The following ARHGEF3 variants were observed in gnomAD, a reference collection of about 807,000 sequenced individuals.
ARHGEF3 encodes Rho guanine nucleotide exchange factor 3.
ARHGEF3 carries 28 observed loss-of-function variants against 63.2 expected under a neutral mutation model. The ratio of observed to expected loss-of-function variants is 0.44; its 90% confidence interval spans 0.33 to 0.61. ARHGEF3 has a LOEUF of 0.61. ARHGEF3 is among the 20% of genes least tolerant of loss of function. The pLI, the probability that ARHGEF3 is intolerant of heterozygous loss-of-function variation, is 0.03. For missense variants in ARHGEF3, 533 were observed against 659.3 expected, an observed-to-expected ratio of 0.81 and a Z score of 2.10; for synonymous variants, 266 against 254.2, an observed-to-expected ratio of 1.05 and a Z score of -0.44.
intron 2 of ARHGEF3, among the ~76,000 whole-genome samples, chr3:56,757,417 T>C (rs1250291357): frequency 1.3e-5 from 2 of 151,562 alleles, no homozygotes; most frequent in South Asian, 2.1e-4. Context: ...GAGATTGCAG[T>C]GAGCCAAGAT....
chr3:56,806,890 CTT>C (rs200241279), upstream of ARHGEF3, among the ~76,000 whole-genome samples: 3 of 145,724 alleles, frequency 2.1e-5, no homozygotes, highest in African/African-American at 2.5e-5. Flanking sequence ...TAGCGAGTTC[CTT>C]TTTTTTTTTT....
chr3:56,909,032 G>A (rs556934564), intron 3 of ARHGEF3, among the ~76,000 whole-genome samples: 28 of 152,150 alleles, frequency 1.8e-4, no homozygotes, highest in South Asian at 1.7e-3. Flanking sequence ...CAGCTAATAC[G>A]AGTCAGACCC....
intron 3 of ARHGEF3, among the ~76,000 whole-genome samples, chr3:56,908,693 T>C (rs574272353): frequency 6.6e-6 from 1 of 152,320 alleles, no homozygotes; most frequent in South Asian, 2.1e-4. Flanking sequence ...GAAATGTTAA[T>C]TATAATCATA....
At chr3:57,029,293 G>A (rs1490178918) in intron 2 of ARHGEF3, among the ~76,000 whole-genome samples, 3 of 152,166 alleles carry the variant, frequency 2.0e-5, no homozygotes, top group Non-Finnish European at 2.9e-5. Context: ...AGCTGGTCGT[G>A]GTGGCACATG....
chr3:57,002,538 A>ATGTT lies in ARHGEF3; in HGVS notation c.62+32549_62+32550insAACA, dbSNP rs1702290988. Among the ~76,000 whole-genome samples the ATGTT allele has an allele frequency of 5.9e-5, 3 of 51,250 alleles. No homozygotes were observed. In the South Asian group the frequency reaches 2.1e-3, roughly 35 times the overall value. 33.6% of individuals were successfully genotyped at this position (51,250 alleles called of 152,430 possible). A position where few individuals can be genotyped will look rare whatever the true frequency, so the allele number is the denominator to read the frequency against. ...TGTTATATATGTATGTTATATATGT[A>ATGTT]ATATATGTTATGTTATATATATGTT... On this transcript the variant is annotated intron_variant, in intron 2 of 12. Coordinates refer to the ARHGEF3 transcript ENST00000338458.
At chr3:56,856,529 T>C (rs923855129) in intron 4 of ARHGEF3, among the ~76,000 whole-genome samples, 2 of 152,024 alleles carry the variant, frequency 1.3e-5, no homozygotes, top group African/African-American at 2.4e-5. Context: ...TTGATTCTCC[T>C]TGGGTCCCCC....
At chr3:56,874,032 A>G (rs1373159470) in intron 4 of ARHGEF3, among the ~76,000 whole-genome samples, 1 of 152,210 alleles carries the variant, frequency 6.6e-6, no homozygotes, top group Non-Finnish European at 1.5e-5. Context: ...AAGTGTGTCA[A>G]AGATAAAAGA....
chr3:56,908,264 C>T (rs138744866), intron 3 of ARHGEF3, among the ~76,000 whole-genome samples: 150 of 152,334 alleles, frequency 9.8e-4, no homozygotes, highest in African/African-American at 3.4e-3. Context: ...AAAGTGCCTT[C>T]GAAACTAAGA....
At chr3:57,025,794 C>G (rs1703448411) in intron 2 of ARHGEF3, among the ~76,000 whole-genome samples, 1 of 152,192 alleles carries the variant, frequency 6.6e-6, no homozygotes. Flanking sequence ...GCCTGTCCTA[C>G]TCACCAATGT....
At chr3:56,851,086 C>T (rs1056492749) in intron 4 of ARHGEF3, among the ~76,000 whole-genome samples, 2 of 152,108 alleles carry the variant, frequency 1.3e-5, no homozygotes, top group Non-Finnish European at 2.9e-5. Flanking sequence ...CACCTGAGGG[C>T]CCTGGTTGTG....
rs778326703 is a variant in ARHGEF3 at position 56,732,415 on chromosome 3, C to T, written c.1051G>A (p.Val351Ile). ...LKNNRGVKLH[V>I]FLFQEVLVIT... ...ACAAGCACTTCTTGGAACAGGAAAACATGCAGTTTCTAGAAGAAAAAAATC... is the reference window on the plus strand; with the variant it reads ...ACAAGCACTTCTTGGAACAGGAAAATATGCAGTTTCTAGAAGAAAAAAATC... Residue 351 changes from valine (V) to isoleucine (I), a missense_variant, in exon 9 of 10, where the codon GTT (valine) becomes ATT (isoleucine). Physicochemically the swap from Val to Ile is conservative, Grantham distance 29. Coordinates refer to ENST00000296315, the MANE Select transcript of ARHGEF3 (RefSeq NM_019555.3). 6.2e-7 allele frequency: 1 copy of T among 1,614,126 alleles called. No individual in the cohort carries two copies.
chr3:56,825,899 C>T (rs942626105), intron 4 of ARHGEF3, among the ~76,000 whole-genome samples: 2 of 152,160 alleles, frequency 1.3e-5, no homozygotes, highest in African/African-American at 2.4e-5. Flanking sequence ...ACTGAGCCTG[C>T]TATCAGTTTC....
chr3:56,792,995 T>G (rs1050325383), intron 1 of ARHGEF3, among the ~76,000 whole-genome samples: 6 of 136,540 alleles, frequency 4.4e-5, no homozygotes, highest in Admixed American at 7.1e-5. Context: ...GCATTGGGTT[T>G]TTTTTTTTTT....
intron 2 of ARHGEF3, 86 bp downstream of exon 2, chr3:56,773,623 C>A (rs2036123539): frequency 1.7e-6 from 2 of 1,196,060 alleles, no homozygotes; most frequent in Non-Finnish European, 2.3e-6. Flanking sequence ...CACTTTGAAA[C>A]CAGGGGAAAT....
chr3:56,770,827 A>G (rs925692611), intron 2 of ARHGEF3, among the ~76,000 whole-genome samples: 4 of 152,180 alleles, frequency 2.6e-5, no homozygotes, highest in African/African-American at 9.6e-5. Flanking sequence ...GCTATTTATC[A>G]CAATATTTGA....
At chr3:56,752,281 C>T (rs974980885) in intron 4 of ARHGEF3, among the ~76,000 whole-genome samples, 3 of 152,174 alleles carry the variant, frequency 2.0e-5, no homozygotes, top group Non-Finnish European at 4.4e-5. Flanking sequence ...TGGTCTTGAA[C>T]TCCTGACCTC....
At chr3:56,875,289 C>G (rs2108235983) in intron 4 of ARHGEF3, among the ~76,000 whole-genome samples, 1 of 152,244 alleles carries the variant, frequency 6.6e-6, no homozygotes, top group South Asian at 2.1e-4. Flanking sequence ...GACTCTATAG[C>G]AATTTGGTCC....
chr3:57,037,932 G>A (rs1560152424), intron 1 of ARHGEF3, among the ~76,000 whole-genome samples: 1 of 152,148 alleles, frequency 6.6e-6, no homozygotes, highest in Non-Finnish European at 1.5e-5. Context: ...CTGTGGCTAG[G>A]GGCAGGGACT....
intron 8 of ARHGEF3, among the ~76,000 whole-genome samples, chr3:56,733,296 A>AT (rs2033329083): frequency 7.8e-6 from 1 of 127,642 alleles, no homozygotes; most frequent in East Asian, 2.5e-4. Flanking sequence ...AAAAAAAAAA[A>AT]AAATACAAAA....
Sources: gnomAD v4.1 joint callset for allele counts (sites outside exome capture counted in the v4.1 genomes callset) on GRCh38, gnomAD v4.1.1 for gene constraint, MANE v1.5 for transcripts, NCBI Gene and HGNC (gene_info 2026-07-23, HGNC 2026-07-21) for gene names.